Variants in ALDH4A1 observed in about 807,000 individuals in gnomAD.
The protein encoded by ALDH4A1 is delta-1-pyrroline-5-carboxylate dehydrogenase, mitochondrial.
Under a neutral mutation model 70.5 loss-of-function variants are expected in ALDH4A1, and 46 were observed. The observed-to-expected ratio is 0.65, with a 90% confidence interval of 0.51 to 0.83. The LOEUF is 0.83. Ranked by LOEUF, ALDH4A1 falls within the 40% of genes least tolerant of loss-of-function variation. The pLI is 0.00. For synonymous variants in ALDH4A1, 323 were observed against 324.3 expected (o/e 1.00, Z 0.04); for missense variants, 749 against 766.5 (o/e 0.98, Z 0.27).
At chr1:18,897,842 C>T (rs952122948) in intron 1 of ALDH4A1, among the ~76,000 whole-genome samples, 10 of 152,190 alleles carry the variant, frequency 6.6e-5, no homozygotes, top group African/African-American at 2.2e-4. Flanking sequence ...GGAAAGCCGC[C>T]GCCCCAAGGT....
At position 18,880,129 on chromosome 1, in the gene ALDH4A1, C is replaced by A. The variant is rs1488752832; in HGVS notation, c.867-756G>T. Among the ~76,000 whole-genome samples, 1 of 152,144 alleles carries A rather than the reference C, an allele frequency of 6.6e-6. No individual in the cohort carries two copies. The highest frequency in any genetic ancestry group is 1.5e-5 in the Non-Finnish European group (1 of 68,008). On this transcript the variant is annotated intron_variant, in intron 8 of 14. Transcript: ENST00000375341. This position sits in a 1 kb window ranked among gnomAD's most constrained non-coding sequence, Gnocchi z 5.1. ...GCAGAGCAGGCCTTTTGGAAAACGG[C>A]CCTTCTCAGCAGTTCTAACGCTGCC...
At position 18,877,515 on chromosome 1, in the gene ALDH4A1, C is replaced by T. The variant is rs768124510; in HGVS notation, c.1038G>A (p.Gln346=). The change falls in exon 10 of 15, where the codon CAG becomes CAA. Residue 346 remains glutamine, a synonymous_variant. Transcript: ENST00000375341. ...TLRSAFEYGG[Q]KCSACSRLYV... is the part of the protein sequence containing the mutation. The stretch of plus-strand genomic sequence containing the variant: ...AGAGACGCGAGCACGCGGAACACTT[C>T]TGGCCACCGTACTCGAAGGCTGAGC... 1 of 1,611,198 alleles carries T rather than the reference C, an allele frequency of 6.2e-7. No homozygotes were observed. The highest frequency in any genetic ancestry group is 1.1e-5 in the South Asian group (1 of 90,634).
At chr1:18,885,427 T>TTCCCCCCCCCCCCCCCCCCCCCCCCC in intron 5 of ALDH4A1, 46 bp downstream of exon 5, 3 of 650,918 alleles carry the variant, frequency 4.6e-6, no homozygotes, top group Non-Finnish European at 5.4e-6. Context: ...CACACCTGAC[T>TTCCCCCCCCCCCCCCCCCCCCCCCCC]CCCACCCCAC....
intron 5 of ALDH4A1, 92 bp downstream of exon 5, chr1:18,885,381 A>C: frequency 7.3e-7 from 1 of 1,367,678 alleles, no homozygotes. Flanking sequence ...TAGGACCCAG[A>C]AGCGCTTCAG....
At chr1:18,892,318 C>T (rs1268611761) in intron 1 of ALDH4A1, among the ~76,000 whole-genome samples, 1 of 152,140 alleles carries the variant, frequency 6.6e-6, no homozygotes, top group Admixed American at 6.5e-5. Context: ...GTCTCAGACC[C>T]TGGAGATAAA....
rs527897082 is a variant in ALDH4A1, at chr1:18,881,575, C to A, written c.866+125G>T. The A allele has an allele frequency of 1.4e-4, 140 of 1,035,996 alleles. 1 individual carries two copies. Among genetic ancestry groups the A allele is most frequent in the South Asian group, 1.1e-3 (76 of 71,780 alleles). 64.2% of individuals were successfully genotyped at this position (1,035,996 alleles called of 1,614,324 possible). On this transcript the variant is annotated intron_variant, in intron 8 of 14. Coordinates refer to ENST00000375341, the MANE Select transcript of ALDH4A1 (RefSeq NM_003748.4). ...GTGAAGTGGCTCACTCATAGCCACA[C>A]AGCAAGTAAGGGAGTAGAGTCCGTG...
Position 18,883,351 on chromosome 1 carries a change from C to G in ALDH4A1, c.531G>C (p.Ala177=). 2 of 1,613,456 alleles carry G rather than the reference C, an allele frequency of 1.2e-6. No individual in the cohort carries two copies. The highest frequency in any genetic ancestry group is 8.5e-7 in the Non-Finnish European group (1 of 1,180,032). Residue 177 remains alanine, a synonymous_variant, in exon 6 of 15, where the codon GCG becomes GCC. Coordinates refer to ENST00000375341, the MANE Select transcript of ALDH4A1 (RefSeq NM_003748.4). The stretch of plus-strand genomic sequence containing the variant: ...TGGGCTGCTGCCCCTCCAGCTCCAC[C>G]GCATACTTGGCATTGAACCGGAAGA... ...IDFFRFNAKY[A]VELEGQQPIS... is the part of the protein sequence containing the mutation.
chr1:18,874,197 C>T (rs568096340), intron 14 of ALDH4A1, among the ~76,000 whole-genome samples: 1 of 152,222 alleles, frequency 6.6e-6, no homozygotes, highest in Non-Finnish European at 1.5e-5. Context: ...GGCTATGGTG[C>T]AGAAAGTGCG....
chr1:18,894,209 G>A (rs1201289547), intron 1 of ALDH4A1, among the ~76,000 whole-genome samples: 1 of 152,136 alleles, frequency 6.6e-6, no homozygotes, highest in South Asian at 2.1e-4. Flanking sequence ...CTCAGCAACT[G>A]CTGGAGGAAT....
chr1:18,882,298 C>T (rs995720957), intron 7 of ALDH4A1, among the ~76,000 whole-genome samples: 2 of 152,004 alleles, frequency 1.3e-5, no homozygotes, highest in East Asian at 1.9e-4. Flanking sequence ...GGCCATGCAC[C>T]GTGTTTGTCT....
chr1:18,886,629 C>A (rs1323766966), intron 3 of ALDH4A1, 118 bp from the exon 4 acceptor site: 35 of 1,080,294 alleles, frequency 3.2e-5, no homozygotes, highest in Admixed American at 3.1e-4. Context: ...GCTGTCCCCC[C>A]TCCCCCGCTC....
intron 3 of ALDH4A1, among the ~76,000 whole-genome samples, chr1:18,888,372 T>C (rs368498768): frequency 6.6e-6 from 1 of 152,120 alleles, no homozygotes; most frequent in Non-Finnish European, 1.5e-5. Flanking sequence ...CCGGCAAACA[T>C]AGATCCTGCC....
At chr1:18,878,525 C>T (rs1184013223) in intron 9 of ALDH4A1, among the ~76,000 whole-genome samples, 4 of 152,176 alleles carry the variant, frequency 2.6e-5, no homozygotes, top group Non-Finnish European at 4.4e-5. Context: ...CCGGTCCCAG[C>T]TCTGCTGGTC....
At chr1:18,893,006 G>A (rs1451686678) in intron 1 of ALDH4A1, among the ~76,000 whole-genome samples, 10 of 152,108 alleles carry the variant, frequency 6.6e-5, no homozygotes, top group African/African-American at 2.4e-4. Flanking sequence ...TCCTGACCCT[G>A]CATTCAAGCT....
intron 14 of ALDH4A1, 104 bp from the exon 15 acceptor site, chr1:18,873,061 A>G (rs1275081882): frequency 2.0e-6 from 2 of 1,009,924 alleles, no homozygotes; most frequent in Non-Finnish European, 3.0e-6. Flanking sequence ...TGTAGCGGCC[A>G]GCAGCGAGCC....
intron 1 of ALDH4A1, among the ~76,000 whole-genome samples, chr1:18,891,091 A>G (rs1422649085): frequency 6.6e-6 from 1 of 152,226 alleles, no homozygotes; most frequent in Non-Finnish European, 1.5e-5. Flanking sequence ...TCTGAGGGTC[A>G]CAAGGTGGGA....
At chr1:18,886,629 CT>C in intron 3 of ALDH4A1, 118 bp from the exon 4 acceptor site, 1 of 1,080,294 alleles carries the variant, frequency 9.3e-7, no homozygotes, top group African/African-American at 1.6e-5. Flanking sequence ...GCTGTCCCCC[CT>C]CCCCCGCTCC....
rs1210193271 is a variant in ALDH4A1, at chr1:18,874,458, C to T, written c.1579+5G>A. On this transcript the variant is annotated splice_donor_5th_base_variant and intron_variant, in intron 14 of 14. Coordinates refer to ENST00000375341, the MANE Select transcript of ALDH4A1 (RefSeq NM_003748.4). ...GCTCCCCTGTGGGAAGGGGGACCCA[C>T]TCACCAGAGGCTCGGGCCCCCCCAA... 3 of 1,613,654 alleles carry T rather than the reference C, an allele frequency of 1.9e-6. No homozygotes were observed. Among genetic ancestry groups the T allele is most frequent in the Non-Finnish European group, 2.5e-6 (3 of 1,179,778 alleles).
chr1:18,897,992 T>C (rs7554974), intron 1 of ALDH4A1, among the ~76,000 whole-genome samples: 16,643 of 152,016 alleles, frequency 0.11, 1,670 homozygotes, highest in African/African-American at 0.27. Context: ...GGAGAAGTCT[T>C]TTCCATCCCC....
Sources: gnomAD v4.1 joint callset for allele counts (sites outside exome capture counted in the v4.1 genomes callset) on GRCh38, gnomAD v4.1.1 for gene constraint, Gnocchi (gnomAD v3.1) non-coding constraint, MANE v1.5 for transcripts, NCBI Gene and HGNC (gene_info 2026-07-23, HGNC 2026-07-21) for gene names.